DLGAP1: variants seen among roughly 807,000 people sequenced by gnomAD.
DLGAP1 encodes DLG associated protein 1.
Under a neutral mutation model 90.8 loss-of-function variants are expected in DLGAP1, and 11 were observed. That is an observed-to-expected ratio of 0.12 (90% confidence interval 0.08 to 0.20). DLGAP1 has a LOEUF of 0.20. Among genes scored for constraint, DLGAP1 ranks in the 10% least tolerant of loss-of-function variants. DLGAP1 has a pLI of 1.00. For missense variants in DLGAP1, 1,050 were observed against 1,333.8 expected, an observed-to-expected ratio of 0.79 and a Z score of 3.31; for synonymous variants, 558 against 540.7, an observed-to-expected ratio of 1.03 and a Z score of -0.44.
intron 7 of DLGAP1, among the ~76,000 whole-genome samples, chr18:3,683,004 G>A (rs1052550193): frequency 2.6e-5 from 4 of 151,880 alleles, no homozygotes; most frequent in Non-Finnish European, 5.9e-5. Context: ...TTACAGGCGC[G>A]TGCCCTCACG....
At chr18:4,216,967 T>C (rs1598640826) in intron 1 of DLGAP1, among the ~76,000 whole-genome samples, 1 of 152,254 alleles carries the variant, frequency 6.6e-6, no homozygotes, top group South Asian at 2.1e-4. Context: ...TAATGTTATG[T>C]ATCCATTGTT....
chr18:3,587,294 A>T (rs983352165), intron 7 of DLGAP1, among the ~76,000 whole-genome samples: 1 of 151,810 alleles, frequency 6.6e-6, no homozygotes. Context: ...ACCTCAGGTG[A>T]TTCACCTGCC....
At chr18:4,079,715 A>AT (rs2075577465) in intron 2 of DLGAP1, among the ~76,000 whole-genome samples, 1 of 147,642 alleles carries the variant, frequency 6.8e-6, no homozygotes. Context: ...TATATATATA[A>AT]AAGAAAATCA....
At chr18:4,292,777 A>G (rs960281871) in intron 1 of DLGAP1, among the ~76,000 whole-genome samples, 1 of 152,180 alleles carries the variant, frequency 6.6e-6, no homozygotes, top group African/African-American at 2.4e-5. Context: ...TAGAAATCAG[A>G]CAGGAGAAAC....
At position 3,860,113 on chromosome 18, in the gene DLGAP1, T is replaced by TAAATAAATAAAAAATAA. The variant is rs776606565; in HGVS notation, c.957+18998_957+18999insTTATTTTTTATTTATTT. ...GACTCTGTCTCAAAAAATAAATAAA[T>TAAATAAATAAAAAATAA]AAATAAATTTGCATTGTATTAAGGC... On this transcript the variant is annotated intron_variant, in intron 4 of 12. Coordinates refer to ENST00000315677, the MANE Select transcript of DLGAP1 (RefSeq NM_004746.4). Among the ~76,000 whole-genome samples the TAAATAAATAAAAAATAA allele has an allele frequency of 2.0e-3, 291 of 142,258 alleles. 2 individuals are homozygous for TAAATAAATAAAAAATAA. The highest frequency in any genetic ancestry group is 5.5e-3 in the African/African-American group (211 of 38,476). The allele number at this position is 142,258 out of a possible 152,430, so 93.3% of individuals were successfully genotyped here.
At chr18:3,891,567 G>A (rs2071459401) in intron 3 of DLGAP1, among the ~76,000 whole-genome samples, 2 of 152,138 alleles carry the variant, frequency 1.3e-5, no homozygotes, top group South Asian at 4.1e-4. Context: ...AAACAAAGTA[G>A]TAACCAATAA....
chr18:3,506,541 G>GGA (rs1598971730), intron 11 of DLGAP1, among the ~76,000 whole-genome samples: 6 of 133,428 alleles, frequency 4.5e-5, no homozygotes, highest in East Asian at 4.4e-4. Flanking sequence ...AAAAAAAGTG[G>GGA]AACTCCATGT....
chr18:4,220,148 T>G (rs540100956), intron 1 of DLGAP1, among the ~76,000 whole-genome samples: 1 of 152,240 alleles, frequency 6.6e-6, no homozygotes. Flanking sequence ...TCTCTACAGT[T>G]TTTTCATCAA....
chr18:4,322,545 G>T (rs1404758251), intron 1 of DLGAP1, among the ~76,000 whole-genome samples: 1 of 152,056 alleles, frequency 6.6e-6, no homozygotes, highest in Admixed American at 6.5e-5. Context: ...AGAACTGCTA[G>T]AAGAAAACAT....
chr18:3,822,628 T>C (rs946674969), intron 4 of DLGAP1, among the ~76,000 whole-genome samples: 1 of 152,134 alleles, frequency 6.6e-6, no homozygotes, highest in African/African-American at 2.4e-5. Context: ...CCTTTCCTGG[T>C]GATGAAACTG....
intron 7 of DLGAP1, among the ~76,000 whole-genome samples, chr18:3,704,061 A>T (rs538901256): frequency 1.2e-4 from 19 of 152,340 alleles, no homozygotes; most frequent in African/African-American, 4.3e-4. Context: ...AAATGTAAAA[A>T]CAAGACAGCA....
chr18:4,059,355 T>C (rs913905396), intron 2 of DLGAP1, among the ~76,000 whole-genome samples: 1 of 152,132 alleles, frequency 6.6e-6, no homozygotes, highest in African/African-American at 2.4e-5. Context: ...TCCCCAAGAA[T>C]TGGGAAAAGT....
intron 3 of DLGAP1, among the ~76,000 whole-genome samples, chr18:3,951,959 C>T (rs1186791530): frequency 6.6e-6 from 1 of 152,090 alleles, no homozygotes; most frequent in Non-Finnish European, 1.5e-5. Flanking sequence ...TGAAAATGGA[C>T]TAATACAACC....
rs79178036 is a variant in DLGAP1 at position 4,322,268 on chromosome 18, G to T, written c.-267+132738C>A. 9.8e-3 allele frequency among the ~76,000 whole-genome samples: 1,494 copies of T among 152,190 alleles called. 22 individuals are homozygous for T. The highest frequency in any genetic ancestry group is 0.032 in the African/African-American group (1,317 of 41,544). On this transcript the variant is annotated intron_variant, in intron 1 of 12. Transcript: ENST00000315677. The stretch of plus-strand genomic sequence containing the variant: ...TTACAAAACTATAATAATAAAAACA[G>T]CATAGTACTGGCATAAGAAGAGAAC...
At chr18:4,329,316 A>G (rs2080896134) in intron 1 of DLGAP1, among the ~76,000 whole-genome samples, 1 of 151,950 alleles carries the variant, frequency 6.6e-6, no homozygotes, top group Admixed American at 6.6e-5. Context: ...CCAATTAACC[A>G]TATTCCTGAA....
intron 5 of DLGAP1, among the ~76,000 whole-genome samples, chr18:3,772,634 A>G (rs1282942131): frequency 6.6e-6 from 1 of 151,390 alleles, no homozygotes; most frequent in East Asian, 1.9e-4. Context: ...TTTTATTAAT[A>G]ATATTATTAT....
chr18:4,135,866 CTTA>C (rs1289625166), intron 2 of DLGAP1, among the ~76,000 whole-genome samples: 2 of 134,098 alleles, frequency 1.5e-5, no homozygotes, highest in African/African-American at 2.7e-5. Flanking sequence ...TATTATTCTT[CTTA>C]TTATTTTTTA....
At chr18:3,991,986 A>G (rs548642576) in intron 3 of DLGAP1, among the ~76,000 whole-genome samples, 25 of 152,316 alleles carry the variant, frequency 1.6e-4, no homozygotes, top group African/African-American at 5.5e-4. Context: ...TTTACATCAT[A>G]AAGTACTTCT....
At chr18:4,424,949 A>G (rs2083120199) in intron 1 of DLGAP1, among the ~76,000 whole-genome samples, 1 of 151,478 alleles carries the variant, frequency 6.6e-6, no homozygotes, top group African/African-American at 2.4e-5. Context: ...TAAATCTAAA[A>G]TATAATTACT....
Sources: gnomAD v4.1 joint callset for allele counts (sites outside exome capture counted in the v4.1 genomes callset) on GRCh38, gnomAD v4.1.1 for gene constraint, MANE v1.5 for transcripts, NCBI Gene and HGNC (gene_info 2026-07-23, HGNC 2026-07-21) for gene names.